The following GRIN2A variants were observed in gnomAD, a reference collection of about 807,000 sequenced individuals.
GRIN2A encodes glutamate ionotropic receptor NMDA type subunit 2A, also known as glutamate receptor ionotropic, NMDA 2A.
In GRIN2A, 22 loss-of-function variants were observed where a neutral mutation model predicts 113.4. That is an observed-to-expected ratio of 0.19 (90% CI 0.14 to 0.28). The LOEUF (loss-of-function observed/expected upper bound fraction) is 0.28, where lower values mean the gene tolerates loss of function less well. Ranked by LOEUF, GRIN2A falls within the 10% of genes least tolerant of loss-of-function variation. The probability of loss-of-function intolerance (pLI) is 1.00; values close to 1 mark genes in which losing one functional copy is unlikely to be tolerated. For synonymous variants in GRIN2A, 827 were observed against 738.4 expected, an observed-to-expected ratio of 1.12 and a Z score of -1.94; for missense variants, 1,502 against 1,887.0, an observed-to-expected ratio of 0.80 and a Z score of 3.78.
chr16:10,097,873 A>G (rs887649018), intron 2 of GRIN2A, among the ~76,000 whole-genome samples: 1 of 152,200 alleles, frequency 6.6e-6, no homozygotes, highest in African/African-American at 2.4e-5. Context: ...CCTTCTAGAC[A>G]TTGGATTAGG....
At chr16:9,925,061 G>A (rs1274195389) in intron 3 of GRIN2A, among the ~76,000 whole-genome samples, 3 of 152,080 alleles carry the variant, frequency 2.0e-5, no homozygotes, top group Middle Eastern at 3.4e-3. Flanking sequence ...ACTTTTGATG[G>A]GATGGAAGAA....
In GRIN2A at chr16:9,937,969, T is replaced by A; in HGVS notation, c.997A>T (p.Thr333Ser). The part of the protein sequence containing the change: ...QMERPEVPMH[T>S]LHPFMVNVTW... The stretch of plus-strand genomic sequence containing the variant: ...CAAGCCCTTTCTTACGGGTGCAAGG[T>A]GTGCATCGGGACCTCTGGCCTCTCC... Residue 333 changes from threonine to serine, a missense_variant, in exon 3 of 13, where the codon ACC (threonine) becomes TCC (serine). By Grantham distance (58) the Thr-to-Ser change is moderately conservative. Around this residue, in one of 7 missense-constraint regions of GRIN2A, gnomAD observed 334 missense variants for 403.0 expected, o/e 0.83. Transcript: ENST00000330684. The A allele has an allele frequency of 6.2e-7, 1 of 1,612,408 alleles. No homozygotes were observed. The highest frequency in any genetic ancestry group is 8.5e-7 in the Non-Finnish European group (1 of 1,178,564).
chr16:9,768,775 CA>C, intron 12 of GRIN2A, 75 bp downstream of exon 12: 1 of 932,344 alleles, frequency 1.1e-6, no homozygotes. Flanking sequence ...GTGCAGACCC[CA>C]CTGAGACATC....
intron 2 of GRIN2A, among the ~76,000 whole-genome samples, chr16:10,048,812 C>T (rs2047304916): frequency 6.6e-6 from 1 of 152,184 alleles, no homozygotes; most frequent in Non-Finnish European, 1.5e-5. Flanking sequence ...CTCCCCATTT[C>T]CTCTCTCCAT....
chr16:9,922,692 G>T (rs2044380011), intron 3 of GRIN2A, among the ~76,000 whole-genome samples: 1 of 152,104 alleles, frequency 6.6e-6, no homozygotes, highest in Non-Finnish European at 1.5e-5. Flanking sequence ...AAAGAGGCTT[G>T]GATTTCTGCC....
At chr16:9,809,401 G>A (rs1475836506) in intron 10 of GRIN2A, among the ~76,000 whole-genome samples, 2 of 152,150 alleles carry the variant, frequency 1.3e-5, no homozygotes, top group African/African-American at 4.8e-5. Context: ...CTGCACTCCA[G>A]CCTGGGCAAC....
At chr16:10,121,578 T>C (rs906303502) in intron 2 of GRIN2A, 11 of 152,056 alleles carry the variant, frequency 7.2e-5, no homozygotes, top group African/African-American at 2.7e-4. Context: ...TCATCATCTA[T>C]TTTCATAACA....
intron 2 of GRIN2A, among the ~76,000 whole-genome samples, chr16:10,063,415 T>C (rs74007919): frequency 0.03 from 4,561 of 152,272 alleles, 247 homozygotes; most frequent in African/African-American, 0.11. Flanking sequence ...TCACTGTGCA[T>C]GAGCCCCGCC....
chr16:9,834,086 C>A lies in GRIN2A; in HGVS notation c.1777+19G>T. ...GAAATTGCAACAACATTGAATCATG[C>A]TCATGAAGGTACCCTTACCTTTCCC... is the stretch of plus-strand genomic sequence containing the variant. On this transcript the variant is annotated intron_variant, in intron 8 of 12. Coordinates refer to ENST00000330684, the MANE Select transcript of GRIN2A (RefSeq NM_001134407.3). 6.2e-7 allele frequency: 1 copy of A among 1,611,052 alleles called. No homozygotes were observed. Among genetic ancestry groups the A allele is most frequent in the South Asian group, 1.1e-5 (1 of 91,026 alleles).
chr16:9,952,894 G>A (rs923540371), intron 2 of GRIN2A, among the ~76,000 whole-genome samples: 2 of 152,170 alleles, frequency 1.3e-5, no homozygotes, highest in African/African-American at 4.8e-5. Context: ...ATGGAAAGGA[G>A]GAAGGATGGA....
rs755062373 is a variant in GRIN2A, at chr16:9,938,408, G to A, written c.558C>T (p.Phe186=). The A allele has an allele frequency of 2.7e-5, 43 of 1,613,904 alleles. No individual in the cohort carries two copies. Among genetic ancestry groups the A allele is most frequent in the Admixed American group, 5.0e-5 (3 of 59,996 alleles). ...AGCTGTTGTCCACTGTGGTCTTGAC[G>A]AAGCTGATGAATTCCCTGTAGCCAG... ...IFPGYREFIS[F]VKTTVDNSFV... Residue 186 remains phenylalanine, a synonymous_variant, in exon 3 of 13, where the codon TTC becomes TTT. Transcript: ENST00000330684.
intron 7 of GRIN2A, among the ~76,000 whole-genome samples, chr16:9,837,730 C>A (rs777751373): frequency 8.5e-5 from 13 of 152,126 alleles, no homozygotes; most frequent in Non-Finnish European, 1.0e-4. Flanking sequence ...TATTAAGATT[C>A]TGCATGTGTT....
Position 9,769,004 on chromosome 16 carries a change from A to G in GRIN2A, c.2442T>C (p.Ile814=), listed in dbSNP as rs924233292. The G allele has an allele frequency of 6.2e-7, 1 of 1,614,200 alleles. No individual in the cohort carries two copies. The highest frequency in any genetic ancestry group is 8.5e-7 in the Non-Finnish European group (1 of 1,180,022). Residue 814 remains isoleucine, a synonymous_variant, in exon 12 of 13, where the codon ATT becomes ATC. Coordinates refer to ENST00000330684, the MANE Select transcript of GRIN2A (RefSeq NM_001134407.3). ...KNEVMSSQLD[I]DNMAGVFYML... is the part of the protein sequence containing the mutation. The stretch of plus-strand genomic sequence containing the variant: ...TGTAGAATACGCCCGCCATGTTGTC[A>G]ATGTCCAGCTGGCTGCTCATCACCT...
chr16:9,946,121 AT>A (rs1387400964), intron 2 of GRIN2A, among the ~76,000 whole-genome samples: 1 of 152,234 alleles, frequency 6.6e-6, no homozygotes, highest in Non-Finnish European at 1.5e-5. Context: ...TTTCTAGATC[AT>A]TAGCAGGGCT....
At chr16:10,125,739 A>C (rs2048920623) in intron 2 of GRIN2A, among the ~76,000 whole-genome samples, 1 of 151,798 alleles carries the variant, frequency 6.6e-6, no homozygotes, top group Non-Finnish European at 1.5e-5. Flanking sequence ...TGCCTTGCCT[A>C]CCCTGGGAAA....
chr16:9,978,816 C>T (rs1328876916), intron 2 of GRIN2A, among the ~76,000 whole-genome samples: 1 of 152,096 alleles, frequency 6.6e-6, no homozygotes, highest in African/African-American at 2.4e-5. Flanking sequence ...CTTAATGGAC[C>T]CTGATGACAT....
chr16:9,941,129 C>G (rs2044865781), intron 2 of GRIN2A, among the ~76,000 whole-genome samples: 1 of 152,148 alleles, frequency 6.6e-6, no homozygotes, highest in African/African-American at 2.4e-5. Context: ...ACAGAAAGCT[C>G]TCAACAAGAC....
chr16:10,092,215 G>C (rs926541527), intron 2 of GRIN2A, among the ~76,000 whole-genome samples: 3 of 152,124 alleles, frequency 2.0e-5, no homozygotes, highest in Admixed American at 1.3e-4. Flanking sequence ...ACAATATTTA[G>C]GAATAATTTT....
At chr16:10,056,958 C>T (rs1320259253) in intron 2 of GRIN2A, among the ~76,000 whole-genome samples, 1 of 152,066 alleles carries the variant, frequency 6.6e-6, no homozygotes, top group Non-Finnish European at 1.5e-5. Context: ...CCAACTACTC[C>T]ATCTCTCCAA....
Sources: allele counts gnomAD v4.1 joint callset (sites outside exome capture counted in the v4.1 genomes callset), GRCh38; gene constraint gnomAD v4.1.1; regional missense constraint gnomAD v4.1.1; transcripts MANE v1.5; gene names NCBI Gene and HGNC (gene_info 2026-07-23, HGNC 2026-07-21).